DIAPH3: variants seen among roughly 807,000 people sequenced by gnomAD.
DIAPH3 encodes the protein diaphanous related formin 3, also known as protein diaphanous homolog 3.
In DIAPH3, 117 loss-of-function variants were observed where a neutral mutation model predicts 144.3. The observed-to-expected ratio is 0.81, with a 90% CI of 0.70 to 0.95. The LOEUF is 0.95. DIAPH3 is among the 40% of genes least tolerant of loss of function. The pLI is 0.00. For synonymous variants in DIAPH3, 519 were observed against 488.9 expected (o/e 1.06, Z -0.81); for missense variants, 1,421 against 1,412.7 (o/e 1.01, Z -0.09).
chr13:59,757,487 G>A (rs1218405846), intron 27 of DIAPH3, among the ~76,000 whole-genome samples: 7 of 131,110 alleles, frequency 5.3e-5, no homozygotes, highest in Non-Finnish European at 7.7e-5. Context: ...TGCAAGCTCC[G>A]CCTCCCAGGT....
At chr13:60,157,245 C>T (rs925818388) in intron 1 of DIAPH3, among the ~76,000 whole-genome samples, 2 of 152,052 alleles carry the variant, frequency 1.3e-5, no homozygotes, top group South Asian at 4.1e-4. Context: ...GTACCCAACC[C>T]CTTCCTATAT....
chr13:60,142,157 G>GT (rs1175377310), intron 1 of DIAPH3, among the ~76,000 whole-genome samples: 2 of 152,274 alleles, frequency 1.3e-5, no homozygotes, highest in Admixed American at 1.3e-4. Flanking sequence ...CAAATATTTT[G>GT]TAAGTATACA....
chr13:59,983,685 A>G, intron 13 of DIAPH3, 84 bp downstream of exon 13: 1 of 914,632 alleles, frequency 1.1e-6, no homozygotes, highest in Non-Finnish European at 1.8e-6. Flanking sequence ...GAGTCCAGAG[A>G]CACAACCCGA....
At chr13:60,007,003 A>T (rs1047791590) in intron 9 of DIAPH3, among the ~76,000 whole-genome samples, 1 of 152,120 alleles carries the variant, frequency 6.6e-6, no homozygotes, top group African/African-American at 2.4e-5. Context: ...TAACACTGTC[A>T]TCTGAAATGT....
At chr13:60,121,269 A>G (rs984008404) in intron 2 of DIAPH3, among the ~76,000 whole-genome samples, 2 of 152,106 alleles carry the variant, frequency 1.3e-5, no homozygotes, top group Admixed American at 1.3e-4. Flanking sequence ...TGAAAGAAAT[A>G]CTAAATTTCA....
chr13:60,018,867 A>C (rs915087240), intron 5 of DIAPH3, among the ~76,000 whole-genome samples: 1 of 152,162 alleles, frequency 6.6e-6, no homozygotes, highest in South Asian at 2.1e-4. Context: ...ACAATATAAG[A>C]ATTAAAAGAA....
At chr13:59,683,745 G>A (rs1187671426) in intron 27 of DIAPH3, among the ~76,000 whole-genome samples, 2 of 152,136 alleles carry the variant, frequency 1.3e-5, no homozygotes, top group African/African-American at 2.4e-5. Flanking sequence ...TTCCTCTAAC[G>A]TTCTTTCACT....
At chr13:60,012,380 ACAGT>A (rs1267119712) in intron 7 of DIAPH3, among the ~76,000 whole-genome samples, 1 of 151,492 alleles carries the variant, frequency 6.6e-6, no homozygotes, top group East Asian at 1.9e-4. Flanking sequence ...AGACAGCTAA[ACAGT>A]CAGGAAATAC....
intron 5 of DIAPH3, among the ~76,000 whole-genome samples, chr13:60,027,867 T>C (rs1233356865): frequency 6.6e-6 from 1 of 152,180 alleles, no homozygotes; most frequent in Non-Finnish European, 1.5e-5. Context: ...CAACAATATA[T>C]GTGGAAAAGA....
In DIAPH3 at chr13:59,879,390, T is replaced by A. The variant is rs774874379; in HGVS notation, c.2446A>T (p.Ile816Phe). 1.9e-6 allele frequency: 3 copies of A among 1,613,784 alleles called. No individual in the cohort carries two copies. The highest frequency in any genetic ancestry group is 2.5e-6 in the Non-Finnish European group (3 of 1,179,874). ...KLQFEEQVNN[I>F]KPDIMAVSTA... is the part of the protein sequence containing the mutation. ...CTGACAGCCATGATGTCAGGTTTGATGTTGTTCACCTGCTCTTCAAACTGA... is the reference window on the plus strand; with the variant it reads ...CTGACAGCCATGATGTCAGGTTTGAAGTTGTTCACCTGCTCTTCAAACTGA... Residue 816 changes from isoleucine (I) to phenylalanine (F), a missense_variant, in exon 21 of 28, where the codon ATC becomes TTC. Ile to Phe is a conservative substitution (Grantham distance 21). Coordinates refer to ENST00000400324, the MANE Select transcript of DIAPH3 (RefSeq NM_001042517.2).
intron 20 of DIAPH3, among the ~76,000 whole-genome samples, chr13:59,886,897 T>A (rs767640438): frequency 1.3e-5 from 2 of 152,080 alleles, no homozygotes; most frequent in Non-Finnish European, 2.9e-5. Context: ...TCATCTTTTA[T>A]GTTTTCTTGT....
At chr13:59,921,274 CA>C (rs778984590) in intron 18 of DIAPH3, among the ~76,000 whole-genome samples, 204 of 118,880 alleles carry the variant, frequency 1.7e-3, no homozygotes, top group Middle Eastern at 5.0e-3. Context: ...CAGAAAATAC[CA>C]AAAAAAAAAA....
chr13:60,095,153 AAGAG>A (rs2058069045), intron 3 of DIAPH3, among the ~76,000 whole-genome samples: 1 of 152,118 alleles, frequency 6.6e-6, no homozygotes, highest in East Asian at 1.9e-4. Context: ...ACACCTAAAA[AAGAG>A]AGAGAGAAAG....
At chr13:60,011,329 AG>A (rs2053248546) in intron 7 of DIAPH3, among the ~76,000 whole-genome samples, 1 of 152,176 alleles carries the variant, frequency 6.6e-6, no homozygotes, top group African/African-American at 2.4e-5. Context: ...CCAGACACTG[AG>A]GCCATGAAAA....
intron 12 of DIAPH3, among the ~76,000 whole-genome samples, chr13:59,987,520 A>T (rs1305738474): frequency 6.6e-6 from 1 of 151,094 alleles, no homozygotes; most frequent in East Asian, 1.9e-4. Context: ...CCAAAAAAAA[A>T]AAAAGTTATT....
chr13:59,826,980 T>C (rs1250825614), intron 24 of DIAPH3, among the ~76,000 whole-genome samples: 1 of 152,130 alleles, frequency 6.6e-6, no homozygotes, highest in Non-Finnish European at 1.5e-5. Context: ...GCTAGCCATA[T>C]GGAGAAAGCT....
chr13:60,094,553 C>A (rs560446831), intron 3 of DIAPH3, among the ~76,000 whole-genome samples: 1 of 152,228 alleles, frequency 6.6e-6, no homozygotes, highest in South Asian at 2.1e-4. Context: ...TGAATTTCCT[C>A]GTGAACTTAG....
At chr13:59,950,628 G>A (rs1360047508) in intron 17 of DIAPH3, among the ~76,000 whole-genome samples, 3 of 152,150 alleles carry the variant, frequency 2.0e-5, no homozygotes, top group Non-Finnish European at 4.4e-5. Context: ...CAAAGGAGAT[G>A]ACACATAAGC....
At chr13:60,140,399 T>A (rs961211602) in intron 1 of DIAPH3, among the ~76,000 whole-genome samples, 7 of 152,194 alleles carry the variant, frequency 4.6e-5, no homozygotes, top group South Asian at 4.1e-4. Context: ...AGCATTACTT[T>A]AAATAGCTAG....
Sources: allele counts gnomAD v4.1 joint callset (sites outside exome capture counted in the v4.1 genomes callset), GRCh38; gene constraint gnomAD v4.1.1; transcripts MANE v1.5; gene names NCBI Gene and HGNC (gene_info 2026-07-23, HGNC 2026-07-21).